The following ANAPC4 variants were observed in gnomAD, a reference collection of about 807,000 sequenced individuals.
ANAPC4 encodes the protein anaphase-promoting complex subunit 4.
In ANAPC4, 63 loss-of-function variants were observed where a neutral mutation model predicts 119.8. The observed-to-expected ratio is 0.53, with a 90% CI of 0.43 to 0.65. ANAPC4 has a LOEUF of 0.65. Among genes scored for constraint, ANAPC4 ranks in the 30% least tolerant of loss-of-function variants. The pLI is 0.00. For missense variants in ANAPC4, 716 were observed against 945.1 expected, an observed-to-expected ratio of 0.76 and a Z score of 3.18; for synonymous variants, 283 against 318.6, an observed-to-expected ratio of 0.89 and a Z score of 1.19.
intron 16 of ANAPC4, among the ~76,000 whole-genome samples, chr4:25,401,748 G>A (rs1057084143): frequency 1.3e-5 from 2 of 152,010 alleles, no homozygotes; most frequent in Non-Finnish European, 2.9e-5. Context: ...TTTTGTTTTT[G>A]TGAGTTTCTA....
chr4:25,378,877 C>T (rs928146642), intron 2 of ANAPC4, among the ~76,000 whole-genome samples: 4 of 152,092 alleles, frequency 2.6e-5, no homozygotes, highest in African/African-American at 9.7e-5. Flanking sequence ...CCAGGATTGT[C>T]GTTTTGCAAG....
chr4:25,415,723 A>G (rs1723831450), intron 26 of ANAPC4, 183 bp downstream of exon 26: 1 of 548,196 alleles, frequency 1.8e-6, no homozygotes, highest in Non-Finnish European at 3.2e-6. Context: ...GATTGAATAG[A>G]ACCTTACTGC....
Position 25,417,746 on chromosome 4 carries a change from G to C in ANAPC4, c.2199+7G>C. 1 of 1,597,298 alleles carries C rather than the reference G, an allele frequency of 6.3e-7. No homozygotes were observed. The highest frequency in any genetic ancestry group is 1.7e-4 in the Middle Eastern group (1 of 5,946). ...TCGAAAAGTGTCCTGTGTGGTAAGTGTTTAGAGATCGTTCAGCAACTAAGA... is the reference window on the plus strand; with the variant it reads ...TCGAAAAGTGTCCTGTGTGGTAAGTCTTTAGAGATCGTTCAGCAACTAAGA... On this transcript the variant is annotated splice_region_variant and intron_variant, in intron 28 of 28. Coordinates refer to ENST00000315368, the MANE Select transcript of ANAPC4 (RefSeq NM_013367.3).
chr4:25,385,834 T>A (rs1029478106), intron 4 of ANAPC4, among the ~76,000 whole-genome samples: 1 of 152,200 alleles, frequency 6.6e-6, no homozygotes, highest in African/African-American at 2.4e-5. Context: ...TCTCAAGGAA[T>A]AGGGAGGCCT....
intron 16 of ANAPC4, among the ~76,000 whole-genome samples, chr4:25,399,072 T>C (rs1425280115): frequency 6.6e-6 from 1 of 151,658 alleles, no homozygotes; most frequent in Non-Finnish European, 1.5e-5. Context: ...TGATTCATCA[T>C]TTAAAAATAT....
chr4:25,381,196 T>C (rs1457840454), intron 3 of ANAPC4, among the ~76,000 whole-genome samples: 1 of 152,256 alleles, frequency 6.6e-6, no homozygotes, highest in Non-Finnish European at 1.5e-5. Flanking sequence ...CTTTGCTTAA[T>C]TTTTCTGTAG....
chr4:25,382,362 T>G (rs942482847), intron 3 of ANAPC4, among the ~76,000 whole-genome samples: 10 of 152,224 alleles, frequency 6.6e-5, no homozygotes, highest in African/African-American at 2.4e-4. Context: ...TCTGGAAATG[T>G]CTTAAACATT....
intron 26 of ANAPC4, 185 bp downstream of exon 26, chr4:25,415,725 C>T: frequency 1.9e-6 from 1 of 537,856 alleles, no homozygotes; most frequent in Non-Finnish European, 3.3e-6. Flanking sequence ...TTGAATAGAA[C>T]CTTACTGCCC....
In ANAPC4 at chr4:25,415,511, A is replaced by T. The variant is rs202208886; in HGVS notation, c.1872A>T (p.Thr624=). Reference sequence around the variant, plus strand: ...TTGCTATTAAATTTGGGAGCTTTACATATGCCACAACAGAAAAAGTCAGAA... The same window carrying T: ...TTGCTATTAAATTTGGGAGCTTTACTTATGCCACAACAGAAAAAGTCAGAA... The part of the protein sequence containing the change: ...GLIAIKFGSF[T]YATTEKVRRS... The change falls in exon 26 of 29, where the codon ACA becomes ACT. Residue 624 remains threonine (T), a synonymous_variant. Coordinates refer to ENST00000315368, the MANE Select transcript of ANAPC4 (RefSeq NM_013367.3). 2.5e-6 allele frequency: 4 copies of T among 1,613,332 alleles called. No homozygotes were observed. In the East Asian group the frequency reaches 8.9e-5, roughly 36 times the overall value.
At chr4:25,384,718 C>A (rs1721934256) in intron 4 of ANAPC4, among the ~76,000 whole-genome samples, 2 of 151,972 alleles carry the variant, frequency 1.3e-5, no homozygotes, top group African/African-American at 2.4e-5. Context: ...GGGAGGATCA[C>A]CTGACCCTAA....
intron 27 of ANAPC4, 93 bp from the exon 28 acceptor site, chr4:25,417,523 C>G: frequency 1.5e-6 from 2 of 1,315,016 alleles, no homozygotes; most frequent in Non-Finnish European, 2.0e-6. Flanking sequence ...GAGTAGAAGT[C>G]AAAACCATAA....
chr4:25,394,659 T>A lies in ANAPC4; in HGVS notation c.942-12T>A. ...AGAGAAGTGACTAAAAATACTTTGTTTTTCATTGTAGTGCTGAACTTCAGA... is the reference window on the plus strand; with the variant it reads ...AGAGAAGTGACTAAAAATACTTTGTATTTCATTGTAGTGCTGAACTTCAGA... On this transcript the variant is annotated splice_polypyrimidine_tract_variant and intron_variant, in intron 12 of 28. Transcript: ENST00000315368. 3.2e-6 allele frequency: 5 copies of A among 1,584,684 alleles called. No individual in the cohort carries two copies. The highest frequency in any genetic ancestry group is 4.3e-6 in the Non-Finnish European group (5 of 1,171,452).
At chr4:25,413,574 G>A (rs1450678367) in intron 21 of ANAPC4, 71 bp from the exon 22 acceptor site, 20 of 1,196,702 alleles carry the variant, frequency 1.7e-5, no homozygotes, top group Non-Finnish European at 2.4e-5. Context: ...TCTAACAGTA[G>A]ATTATTTTCT....
At chr4:25,415,441 T>C (rs1339736482) in intron 25 of ANAPC4, 25 bp from the exon 26 acceptor site, 2 of 1,576,322 alleles carry the variant, frequency 1.3e-6, no homozygotes, top group Admixed American at 3.4e-5. Context: ...ACAGAGTCTC[T>C]TTTTTTCCCC....
chr4:25,386,155 C>T (rs558770363), intron 4 of ANAPC4, among the ~76,000 whole-genome samples: 196 of 152,186 alleles, frequency 1.3e-3, no homozygotes, highest in Non-Finnish European at 3.4e-4. Flanking sequence ...TCAGGTAACC[C>T]GCCCGCTTCG....
At chr4:25,384,417 A>G (rs1048064264) in intron 4 of ANAPC4, among the ~76,000 whole-genome samples, 3 of 152,238 alleles carry the variant, frequency 2.0e-5, no homozygotes, top group African/African-American at 7.2e-5. Context: ...GAATGTTCTT[A>G]ATGACATCCA....
At chr4:25,408,831 A>C (rs1340875221) in intron 20 of ANAPC4, among the ~76,000 whole-genome samples, 1 of 152,160 alleles carries the variant, frequency 6.6e-6, no homozygotes, top group Non-Finnish European at 1.5e-5. Flanking sequence ...GCTTTTCCTC[A>C]AGATAACCAT....
At chr4:25,386,428 G>A (rs1722040510) in intron 4 of ANAPC4, among the ~76,000 whole-genome samples, 1 of 151,794 alleles carries the variant, frequency 6.6e-6, no homozygotes, top group South Asian at 2.1e-4. Flanking sequence ...GGCCAGGCTG[G>A]TCTCGAACTC....
chr4:25,400,846 T>G (rs1046147231), intron 16 of ANAPC4, among the ~76,000 whole-genome samples: 1 of 151,724 alleles, frequency 6.6e-6, no homozygotes, highest in Non-Finnish European at 1.5e-5. Flanking sequence ...GTGGGGGCCC[T>G]GGAGAGAGGC....
Sources: gnomAD v4.1 joint callset for allele counts (sites outside exome capture counted in the v4.1 genomes callset) on GRCh38, gnomAD v4.1.1 for gene constraint, MANE v1.5 for transcripts, NCBI Gene and HGNC (gene_info 2026-07-23, HGNC 2026-07-21) for gene names.